The following PDLIM5 variants were observed in gnomAD, a reference collection of about 807,000 sequenced individuals.
The protein encoded by PDLIM5 is PDZ and LIM domain protein 5.
Under a neutral mutation model 64.2 loss-of-function variants are expected in PDLIM5, and 34 were observed. That is an observed-to-expected ratio of 0.53 (90% confidence interval 0.40 to 0.71). The LOEUF is 0.71. Ranked by LOEUF, PDLIM5 falls within the 30% of genes least tolerant of loss-of-function variation. The pLI is 0.00. For synonymous variants in PDLIM5, 253 were observed against 269.1 expected, an observed-to-expected ratio of 0.94 and a Z score of 0.59; for missense variants, 683 against 733.6, an observed-to-expected ratio of 0.93 and a Z score of 0.80.
At chr4:94,541,968 T>C (rs1013244877) in intron 3 of PDLIM5, among the ~76,000 whole-genome samples, 5 of 152,190 alleles carry the variant, frequency 3.3e-5, no homozygotes, top group African/African-American at 1.2e-4. Flanking sequence ...TTTGTGTCTT[T>C]TATCTACTGT....
intron 10 of PDLIM5, among the ~76,000 whole-genome samples, 197 bp downstream of exon 10, chr4:94,654,837 T>C (rs1742090728): frequency 6.6e-6 from 1 of 152,158 alleles, no homozygotes; most frequent in African/African-American, 2.4e-5. Flanking sequence ...TTAGGTTGTC[T>C]TTGGTTTTGT....
At chr4:94,629,573 A>C (rs56247534) in intron 8 of PDLIM5, among the ~76,000 whole-genome samples, 6,263 of 152,272 alleles carry the variant, frequency 0.041, 239 homozygotes, top group East Asian at 0.15. Flanking sequence ...AAAAAGAGAA[A>C]TGAACATAAT....
intron 2 of PDLIM5, among the ~76,000 whole-genome samples, chr4:94,490,148 A>T (rs941257635): frequency 6.6e-6 from 1 of 151,864 alleles, no homozygotes; most frequent in Non-Finnish European, 1.5e-5. Context: ...AATCTTATTG[A>T]GTGTAATAAT....
chr4:94,600,185 G>A (rs1309541648), intron 7 of PDLIM5, among the ~76,000 whole-genome samples: 1 of 152,196 alleles, frequency 6.6e-6, no homozygotes, highest in Non-Finnish European at 1.5e-5. Flanking sequence ...GTAGACAATA[G>A]GATGTGTGAA....
chr4:94,463,490 T>C (rs1348472800), intron 2 of PDLIM5, among the ~76,000 whole-genome samples: 1 of 152,200 alleles, frequency 6.6e-6, no homozygotes, highest in African/African-American at 2.4e-5. Flanking sequence ...GTTCATTAAG[T>C]GGAAGGGAGT....
intron 8 of PDLIM5, among the ~76,000 whole-genome samples, chr4:94,625,504 G>T (rs1019431095): frequency 6.6e-6 from 1 of 150,762 alleles, no homozygotes; most frequent in Non-Finnish European, 1.5e-5. Context: ...CCAGGCTGGA[G>T]TGCAGTGGCG....
At chr4:94,596,049 A>G (rs544320570) in intron 7 of PDLIM5, among the ~76,000 whole-genome samples, 1 of 152,314 alleles carries the variant, frequency 6.6e-6, no homozygotes, top group Non-Finnish European at 1.5e-5. Flanking sequence ...ATACTGTTTT[A>G]TGCAAATACT....
intron 2 of PDLIM5, among the ~76,000 whole-genome samples, chr4:94,480,668 CCCCCT>C (rs1184945971): frequency 6.6e-6 from 1 of 152,110 alleles, no homozygotes; most frequent in East Asian, 1.9e-4. Context: ...CCAAGGCTTT[CCCCCT>C]CCTTCTACCC....
At chr4:94,587,988 G>A (rs1184591693) in intron 7 of PDLIM5, 2 of 979,618 alleles carry the variant, frequency 2.0e-6, no homozygotes, top group Non-Finnish European at 2.4e-6. Flanking sequence ...GCTGTGTTTT[G>A]GGCAATACAT....
chr4:94,566,638 C>G (rs1334473070), intron 3 of PDLIM5, among the ~76,000 whole-genome samples: 1 of 152,150 alleles, frequency 6.6e-6, no homozygotes, highest in African/African-American at 2.4e-5. Context: ...CCTAATGCAA[C>G]CTTTATTCAG....
At chr4:94,522,208 T>C (rs1729891254) in intron 2 of PDLIM5, among the ~76,000 whole-genome samples, 1 of 152,210 alleles carries the variant, frequency 6.6e-6, no homozygotes, top group African/African-American at 2.4e-5. Flanking sequence ...GTAATCGTGA[T>C]AACCTGATAG....
chr4:94,471,264 A>G (rs1026185358), intron 2 of PDLIM5, among the ~76,000 whole-genome samples: 1 of 152,194 alleles, frequency 6.6e-6, no homozygotes, highest in Non-Finnish European at 1.5e-5. Context: ...TTTAAAACCA[A>G]CTTATAAATT....
At chr4:94,620,156 A>T (rs1307999313) in intron 8 of PDLIM5, among the ~76,000 whole-genome samples, 1 of 151,722 alleles carries the variant, frequency 6.6e-6, no homozygotes, top group Non-Finnish European at 1.5e-5. Flanking sequence ...AGTTCTTACC[A>T]CTCTGTACAG....
intron 2 of PDLIM5, among the ~76,000 whole-genome samples, chr4:94,481,236 A>G (rs1318187256): frequency 6.6e-6 from 1 of 151,398 alleles, no homozygotes; most frequent in African/African-American, 2.4e-5. Flanking sequence ...ATCTGGAATT[A>G]ATTTTTGTGT....
chr4:94,477,396 C>T (rs1040311258), intron 2 of PDLIM5, among the ~76,000 whole-genome samples: 1 of 152,156 alleles, frequency 6.6e-6, no homozygotes, highest in African/African-American at 2.4e-5. Context: ...TGGAGATACA[C>T]TTCTGTAACC....
intron 5 of PDLIM5, among the ~76,000 whole-genome samples, chr4:94,578,716 T>A (rs1185516270): frequency 6.6e-6 from 1 of 152,172 alleles, no homozygotes; most frequent in Non-Finnish European, 1.5e-5. Flanking sequence ...GGAATCAGTG[T>A]CAAACTTGTT....
At chr4:94,495,196 C>T (rs1306232862) in intron 2 of PDLIM5, among the ~76,000 whole-genome samples, 2 of 152,110 alleles carry the variant, frequency 1.3e-5, no homozygotes, top group Non-Finnish European at 2.9e-5. Context: ...CATAGTAATA[C>T]TGTGTTCAAC....
chr4:94,499,599 G>A (rs770976741), intron 2 of PDLIM5, among the ~76,000 whole-genome samples: 4 of 152,208 alleles, frequency 2.6e-5, no homozygotes, highest in Non-Finnish European at 5.9e-5. Flanking sequence ...TATATAGGCA[G>A]ATGCGTGTAG....
At chr4:94,633,546 C>T (rs1205559024) in intron 8 of PDLIM5, among the ~76,000 whole-genome samples, 1 of 151,998 alleles carries the variant, frequency 6.6e-6, no homozygotes, top group Non-Finnish European at 1.5e-5. Context: ...TTTTTTGCCC[C>T]AATCCTAGAA....
Sources: allele counts gnomAD v4.1 joint callset (sites outside exome capture counted in the v4.1 genomes callset), GRCh38; gene constraint gnomAD v4.1.1; transcripts MANE v1.5; gene names NCBI Gene and HGNC (gene_info 2026-07-23, HGNC 2026-07-21).